ARAP1: variants seen among roughly 807,000 people sequenced by gnomAD.
The protein encoded by ARAP1 is arf-GAP with Rho-GAP domain, ANK repeat and PH domain-containing protein 1.
ARAP1 carries 76 observed loss-of-function variants against 172.2 expected under a neutral mutation model. The ratio of observed to expected loss-of-function variants is 0.44; its 90% CI spans 0.37 to 0.53. ARAP1 has a LOEUF of 0.53. ARAP1 is among the 20% of genes least tolerant of loss of function. ARAP1 has a pLI of 0.00. For missense variants in ARAP1, 1,686 were observed against 1,977.5 expected, an observed-to-expected ratio of 0.85 and a Z score of 2.80; for synonymous variants, 804 against 803.3, an observed-to-expected ratio of 1.00 and a Z score of -0.01.
At chr11:72,719,623 C>A (rs545229982) in intron 3 of ARAP1, among the ~76,000 whole-genome samples, 2 of 152,220 alleles carry the variant, frequency 1.3e-5, no homozygotes, top group African/African-American at 2.4e-5. Flanking sequence ...ATAGCCTTAG[C>A]GGCCTCTAAT....
intron 1 of ARAP1, among the ~76,000 whole-genome samples, chr11:72,751,605 C>A (rs115664192): frequency 1.5e-4 from 23 of 152,160 alleles, no homozygotes; most frequent in African/African-American, 5.1e-4. Flanking sequence ...CCCTGAAGCA[C>A]CCCCCTCCCA....
chr11:72,721,907 CTGCGTA>C lies in ARAP1; in HGVS notation c.509+4707_509+4712del, dbSNP rs370438472. ...ACTCCCACAGCTCCGGCCAGGCGGG[CTGCGTA>C]TGCCCAAGAATGTCGTGTACCTGCC... On this transcript the variant is annotated intron_variant, in intron 3 of 34. Coordinates refer to ENST00000393609, the MANE Select transcript of ARAP1 (RefSeq NM_001040118.3). 308 of 985,988 alleles carry C rather than the reference CTGCGTA, an allele frequency of 3.1e-4. 1 individual carries two copies. In the African/African-American group the frequency reaches 4.7e-3, roughly 15 times the overall value. 61.1% of individuals were successfully genotyped at this position (985,988 alleles called of 1,614,324 possible).
intron 27 of ARAP1, among the ~76,000 whole-genome samples, chr11:72,694,401 C>T (rs1856082670): frequency 6.6e-6 from 1 of 151,810 alleles, no homozygotes; most frequent in Non-Finnish European, 1.5e-5. Flanking sequence ...CCCCTCACTG[C>T]CCTCGTCTCC....
At chr11:72,708,886 A>G (rs1259998920) in intron 11 of ARAP1, among the ~76,000 whole-genome samples, 1 of 152,066 alleles carries the variant, frequency 6.6e-6, no homozygotes, top group Non-Finnish European at 1.5e-5. Context: ...AATATACAAA[A>G]ATTAGCCGGG....
intron 4 of ARAP1, among the ~76,000 whole-genome samples, chr11:72,713,597 C>T (rs887498311): frequency 6.6e-6 from 1 of 152,128 alleles, no homozygotes; most frequent in Non-Finnish European, 1.5e-5. Context: ...CCTGTAATCC[C>T]AGCACTTTGG....
chr11:72,698,965 G>A, intron 18 of ARAP1, 40 bp downstream of exon 18: 1 of 1,604,552 alleles, frequency 6.2e-7, no homozygotes, highest in African/African-American at 1.3e-5. Context: ...ACCTTCCCCA[G>A]TCAGACACCC....
chr11:72,707,586 G>GCTTC (rs764974533), intron 11 of ARAP1, among the ~76,000 whole-genome samples: 3 of 152,194 alleles, frequency 2.0e-5, no homozygotes, highest in African/African-American at 4.8e-5. Flanking sequence ...CCCAGTGGGG[G>GCTTC]GCTCTGCCCA....
intron 3 of ARAP1, chr11:72,722,173 AAGAC>A (rs1170571488): frequency 2.3e-5 from 22 of 971,218 alleles, no homozygotes; most frequent in Admixed American, 1.3e-4. Context: ...GAGAGAGAGA[AAGAC>A]AGAGGGAGAG....
intron 30 of ARAP1, chr11:72,688,909 C>T: frequency 4.9e-6 from 1 of 206,024 alleles, no homozygotes; most frequent in Non-Finnish European, 9.9e-6. Context: ...AACTGTACAT[C>T]CTCCCCCAGC....
chr11:72,743,394 C>T (rs1287265232), intron 1 of ARAP1, among the ~76,000 whole-genome samples: 1 of 150,740 alleles, frequency 6.6e-6, no homozygotes, highest in Non-Finnish European at 1.5e-5. Flanking sequence ...TCAAATCCCT[C>T]CCCAGGGAGC....
chr11:72,697,278 G>A (rs1856249381), intron 21 of ARAP1, 45 bp downstream of exon 21: 1 of 1,581,484 alleles, frequency 6.3e-7, no homozygotes, highest in South Asian at 1.1e-5. Context: ...GCGGGAGGCG[G>A]CTCTCCGGGA....
intron 8 of ARAP1, 79 bp downstream of exon 8, chr11:72,711,351 G>C: frequency 6.5e-7 from 1 of 1,540,256 alleles, no homozygotes; most frequent in South Asian, 1.1e-5. Context: ...CTCCTCTGGG[G>C]AGGGACGCCA....
chr11:72,704,085 C>A, intron 14 of ARAP1, 67 bp downstream of exon 14: 1 of 1,594,978 alleles, frequency 6.3e-7, no homozygotes, highest in Non-Finnish European at 8.6e-7. Flanking sequence ...GTTAAGACAG[C>A]ATGAGGAACA....
intron 30 of ARAP1, among the ~76,000 whole-genome samples, chr11:72,692,277 C>G (rs1855969297): frequency 6.6e-6 from 1 of 152,122 alleles, no homozygotes; most frequent in Non-Finnish European, 1.5e-5. Context: ...AAATAGCCAG[C>G]CAGGAAGCCT....
intron 33 of ARAP1, among the ~76,000 whole-genome samples, chr11:72,687,072 T>TC (rs1269637716): frequency 6.6e-6 from 1 of 152,116 alleles, no homozygotes; most frequent in Non-Finnish European, 1.5e-5. Flanking sequence ...GTCATCCCCC[T>TC]CCTCTATGCT....
rs1056903170 is a variant in ARAP1, at chr11:72,693,231, G to A, written c.3954+94C>T. On this transcript the variant is annotated intron_variant, in intron 29 of 34. Coordinates refer to ENST00000393609, the MANE Select transcript of ARAP1 (RefSeq NM_001040118.3). The surrounding 1 kb of genome is among the most constrained non-coding windows in gnomAD (Gnocchi z 4.6). Reference sequence around the variant, plus strand: ...CTGTGCCATCCTGAGAGCCTGTAACGGGAATATTTCCACTTGCAGACCAAG... The same window carrying A: ...CTGTGCCATCCTGAGAGCCTGTAACAGGAATATTTCCACTTGCAGACCAAG... The A allele has an allele frequency of 3.7e-5, 56 of 1,513,894 alleles. No homozygotes were observed. Among genetic ancestry groups the A allele is most frequent in the East Asian group, 6.8e-5 (3 of 43,992 alleles). The allele number at this position is 1,513,894 out of a possible 1,614,324, so 93.8% of individuals were successfully genotyped here.
chr11:72,694,590 C>T (rs1414784681), intron 27 of ARAP1, among the ~76,000 whole-genome samples: 4 of 152,104 alleles, frequency 2.6e-5, no homozygotes, highest in Admixed American at 6.5e-5. Context: ...CTAATGCCTC[C>T]GTCCCACACC....
At chr11:72,740,820 G>A (rs1858173767) in intron 1 of ARAP1, among the ~76,000 whole-genome samples, 1 of 152,062 alleles carries the variant, frequency 6.6e-6, no homozygotes, top group Non-Finnish European at 1.5e-5. Context: ...AGACGCCAGG[G>A]TCCCCGAGGT....
Position 72,685,538 on chromosome 11 carries a change from G to A in ARAP1, c.*126C>T. The A allele has an allele frequency of 7.5e-7, 1 of 1,325,308 alleles. No individual in the cohort carries two copies. 82.1% of individuals were successfully genotyped at this position (1,325,308 alleles called of 1,614,324 possible). On this transcript the variant is annotated 3_prime_UTR_variant, in exon 35 of 35. Coordinates refer to ENST00000393609, the MANE Select transcript of ARAP1 (RefSeq NM_001040118.3). Reference sequence around the variant, plus strand: ...CCATGCTGCAGTCAGGATGGAGGATGTGGGTTGTGGGGTGCAGTTTCCCAT... The same window carrying A: ...CCATGCTGCAGTCAGGATGGAGGATATGGGTTGTGGGGTGCAGTTTCCCAT...
Sources: allele counts gnomAD v4.1 joint callset (sites outside exome capture counted in the v4.1 genomes callset), GRCh38; gene constraint gnomAD v4.1.1; non-coding constraint Gnocchi (gnomAD v3.1); transcripts MANE v1.5; gene names NCBI Gene and HGNC (gene_info 2026-07-23, HGNC 2026-07-21).